PKDREJ: variants seen among roughly 807,000 people sequenced by gnomAD.
The protein encoded by PKDREJ is polycystin family receptor for egg jelly, also known as PKD and REJ homolog.
For missense variants in PKDREJ, 2,507 were observed against 2,807.2 expected (o/e 0.89, Z 2.42); for synonymous variants, 1,031 against 1,095.5 (o/e 0.94, Z 1.16).
Position 46,262,727 on chromosome 22 carries a change from G to C in PKDREJ, c.596C>G (p.Ser199Cys). The C allele has an allele frequency of 3.1e-6, 5 of 1,609,620 alleles. No individual in the cohort carries two copies. Among genetic ancestry groups the C allele is most frequent in the Non-Finnish European group, 4.2e-6 (5 of 1,178,540 alleles). The change falls in exon 1 of 1, where the codon TCC becomes TGC. Residue 199 changes from serine (S) to cysteine (C), a missense_variant. Ser to Cys is a moderately radical substitution (Grantham distance 112, BLOSUM62 -1). Coordinates refer to ENST00000253255, the MANE Select transcript of PKDREJ (RefSeq NM_006071.2). The surrounding 1 kb of genome is among the most constrained non-coding windows in gnomAD (Gnocchi z 8.1). ...GGACGACTCGACGGCTCTGTGGCTGGACGAGTTGACGGCCTGCAACATCAC... is the reference window on the plus strand; with the variant it reads ...GGACGACTCGACGGCTCTGTGGCTGCACGAGTTGACGGCCTGCAACATCAC... ...ARVMLQAVNS[S>C]SHRAVESSVS...
chr22:46,256,572 G>C lies in PKDREJ; in HGVS notation c.6751C>G (p.Leu2251Val). Reference protein sequence around the residue: ...RNINGKKMVYLVV With the variant: ...RNINGKKMVYVVV ...GAAACCATCATTCATCAAACAACAA[G>C]GTAAACCATTTTCTTCCCGTTGATG... Residue 2251 changes from leucine to valine, a missense_variant, in exon 1 of 1, where the codon CTT becomes GTT. Transcript: ENST00000253255. The surrounding 1 kb of genome is among the most constrained non-coding windows in gnomAD (Gnocchi z 5.3). The C allele has an allele frequency of 6.2e-7, 1 of 1,612,444 alleles. No individual in the cohort carries two copies. The highest frequency in any genetic ancestry group is 8.5e-7 in the Non-Finnish European group (1 of 1,179,430).
At position 46,262,412 on chromosome 22, in the gene PKDREJ, A is replaced by G; in HGVS notation, c.911T>C (p.Val304Ala). 6.2e-7 allele frequency: 1 copy of G among 1,613,454 alleles called. No homozygotes were observed. Among genetic ancestry groups the G allele is most frequent in the East Asian group, 2.2e-5 (1 of 44,882 alleles). Reference protein sequence around the residue: ...PNNSLQWGVYVFNFTVSITTG... With the variant: ...PNNSLQWGVYAFNFTVSITTG... ...GGTGATGGACACCGTGAAATTAAACACATACACTCCCCACTGTAACGAATT... is the reference window on the plus strand; with the variant it reads ...GGTGATGGACACCGTGAAATTAAACGCATACACTCCCCACTGTAACGAATT... Residue 304 changes from valine to alanine, a missense_variant, in exon 1 of 1, where the codon GTG (valine) becomes GCG (alanine). Val to Ala is a moderately conservative substitution (Grantham distance 64). Coordinates refer to ENST00000253255, the MANE Select transcript of PKDREJ (RefSeq NM_006071.2). This position sits in a 1 kb window ranked among gnomAD's most constrained non-coding sequence, Gnocchi z 8.1.
In PKDREJ at chr22:46,258,572, A is replaced by T. The variant is rs1290558250; in HGVS notation, c.4751T>A (p.Val1584Asp). The T allele has an allele frequency of 6.2e-7, 1 of 1,614,238 alleles. No homozygotes were observed. The highest frequency in any genetic ancestry group is 1.1e-5 in the South Asian group (1 of 91,084). ...TGAGGATATGCTAGAAGTAGCAAAAACCAAAAACCATGCAACATAAACACA... is the reference window on the plus strand; with the variant it reads ...TGAGGATATGCTAGAAGTAGCAAAATCCAAAAACCATGCAACATAAACACA... ...WWCVYVAWFL[V>D]FATSSISSFF... The change falls in exon 1 of 1, where the codon GTT (valine) becomes GAT (aspartate). Residue 1584 changes from valine to aspartate, a missense_variant. Coordinates refer to ENST00000253255, the MANE Select transcript of PKDREJ (RefSeq NM_006071.2). The surrounding 1 kb of genome is among the most constrained non-coding windows in gnomAD (Gnocchi z 6.1).
Position 46,262,399 on chromosome 22 carries a change from C to A in PKDREJ, c.924G>T (p.Thr308=), listed in dbSNP as rs199563012. The stretch of plus-strand genomic sequence containing the variant: ...TGGGGTTCCCTGTGGTGATGGACAC[C>A]GTGAAATTAAACACATACACTCCCC... The part of the protein sequence containing the change: ...LQWGVYVFNF[T]VSITTGNPKM... The change falls in exon 1 of 1, where the codon ACG becomes ACT. Residue 308 remains threonine (T), a synonymous_variant. Coordinates refer to ENST00000253255, the MANE Select transcript of PKDREJ (RefSeq NM_006071.2). The surrounding 1 kb of genome is among the most constrained non-coding windows in gnomAD (Gnocchi z 8.1). 1.9e-6 allele frequency: 3 copies of A among 1,613,758 alleles called. No homozygotes were observed. The highest frequency in any genetic ancestry group is 2.5e-6 in the Non-Finnish European group (3 of 1,179,906).
chr22:46,257,380 A>T lies in PKDREJ; in HGVS notation c.5943T>A (p.Asp1981Glu), dbSNP rs111820756. Reference sequence around the variant, plus strand: ...TTTCTTGCATAATGATACAACCCTCATCAACAACGTAGGCTAAGAAAAAAA... The same window carrying T: ...TTTCTTGCATAATGATACAACCCTCTTCAACAACGTAGGCTAAGAAAAAAA... The part of the protein sequence containing the change: ...ILIFFLAYVV[D>E]EGCIIMQERA... The change falls in exon 1 of 1, where the codon GAT becomes GAA. Residue 1981 changes from aspartate to glutamate, a missense_variant. Asp to Glu is a conservative substitution (Grantham distance 45). Transcript: ENST00000253255. This position sits in a 1 kb window ranked among gnomAD's most constrained non-coding sequence, Gnocchi z 4.7. 4 of 1,614,088 alleles carry T rather than the reference A, an allele frequency of 2.5e-6. No homozygotes were observed. The highest frequency in any genetic ancestry group is 2.7e-5 in the African/African-American group (2 of 75,064).
rs1343298887 is a variant in PKDREJ, at chr22:46,258,650, T to C, written c.4673A>G (p.Gln1558Arg). ...QDVHSEQHPS[Q>R]KDLQQLKKKP... The stretch of plus-strand genomic sequence containing the variant: ...TTTCTTAAGCTGCTGGAGATCCTTT[T>C]GGGAAGGGTGCTGTTCGGAATGGAC... Residue 1558 changes from glutamine (Q) to arginine (R), a missense_variant, in exon 1 of 1, where the codon CAA becomes CGA. Gln to Arg is a conservative substitution (Grantham distance 43). Transcript: ENST00000253255. This position sits in a 1 kb window ranked among gnomAD's most constrained non-coding sequence, Gnocchi z 6.1. 6.2e-7 allele frequency: 1 copy of C among 1,614,206 alleles called. No individual in the cohort carries two copies. Among genetic ancestry groups the C allele is most frequent in the Non-Finnish European group, 8.5e-7 (1 of 1,180,040 alleles).
In PKDREJ at chr22:46,262,358, T is replaced by G. The variant is rs1292545907; in HGVS notation, c.965A>C (p.Lys322Thr). 3 of 1,614,040 alleles carry G rather than the reference T, an allele frequency of 1.9e-6. No homozygotes were observed. The African/African-American group carries it at 4.0e-5, about 22-fold the overall frequency. The change falls in exon 1 of 1, where the codon AAA becomes ACA. Residue 322 changes from lysine (K) to threonine (T), a missense_variant. Coordinates refer to ENST00000253255, the MANE Select transcript of PKDREJ (RefSeq NM_006071.2). This position sits in a 1 kb window ranked among gnomAD's most constrained non-coding sequence, Gnocchi z 8.1. Reference protein sequence around the residue: ...TTGNPKMPEVKDSDAVYVWIV... With the variant: ...TTGNPKMPEVTDSDAVYVWIV... ...CCAGACATAGACGGCGTCCGAGTCT[T>G]TCACCTCGGGCATCTTGGGGTTCCC...
chr22:46,258,544 G>C lies in PKDREJ; in HGVS notation c.4779C>G (p.Phe1593Leu). Reference sequence around the variant, plus strand: ...AAGTCAGTCCATAAAATACAATGAAGAATGAGGATATGCTAGAAGTAGCAA... The same window carrying C: ...AAGTCAGTCCATAAAATACAATGAACAATGAGGATATGCTAGAAGTAGCAA... ...LVFATSSISS[F>L]FIVFYGLTYG... The change falls in exon 1 of 1, where the codon TTC (phenylalanine) becomes TTG (leucine). Residue 1593 changes from phenylalanine (F) to leucine (L), a missense_variant. Transcript: ENST00000253255. The surrounding 1 kb of genome is among the most constrained non-coding windows in gnomAD (Gnocchi z 6.1). The C allele has an allele frequency of 1.9e-6, 3 of 1,614,172 alleles. No individual in the cohort carries two copies. The highest frequency in any genetic ancestry group is 2.5e-6 in the Non-Finnish European group (3 of 1,180,030).
chr22:46,261,087 C>T lies in PKDREJ; in HGVS notation c.2236G>A (p.Val746Ile), dbSNP rs1936691222. Residue 746 changes from valine (V) to isoleucine (I), a missense_variant, in exon 1 of 1, where the codon GTA becomes ATA. Coordinates refer to ENST00000253255, the MANE Select transcript of PKDREJ (RefSeq NM_006071.2). The surrounding 1 kb of genome is among the most constrained non-coding windows in gnomAD (Gnocchi z 7.1). ...HLIDQSFLLPVSTLVEIGQVV... is the reference protein window; with the variant it reads ...HLIDQSFLLPISTLVEIGQVV... ...TGGCCAATTTCTACCAAAGTGCTTACAGGAAGAAGGAAAGACTGATCGATG... is the reference window on the plus strand; with the variant it reads ...TGGCCAATTTCTACCAAAGTGCTTATAGGAAGAAGGAAAGACTGATCGATG... The T allele has an allele frequency of 6.2e-7, 1 of 1,613,994 alleles. No homozygotes were observed. The highest frequency in any genetic ancestry group is 2.2e-5 in the East Asian group (1 of 44,894).
At position 46,256,894 on chromosome 22, in the gene PKDREJ, AT is replaced by A; in HGVS notation, c.6428del (p.Asn2143IlefsTer16). 6.2e-7 allele frequency: 1 copy of A among 1,614,054 alleles called. No homozygotes were observed. The highest frequency in any genetic ancestry group is 8.5e-7 in the Non-Finnish European group (1 of 1,180,010). On this transcript the variant is annotated frameshift_variant, in exon 1 of 1. Transcript: ENST00000253255. LOFTEE classifies it low-confidence loss of function (END_TRUNC). The surrounding 1 kb of genome is among the most constrained non-coding windows in gnomAD (Gnocchi z 5.3). ...GGAACAGGACCCCCAGAATCCTGTT[AT>A]TGGAAAATTCAGTGTTCTGGAAAGC... The part of the protein sequence containing the change: ...VSAFQNTEFS[N>X]NRILGVLFLS...
In PKDREJ at chr22:46,256,343, G is replaced by T; in HGVS notation, c.*218C>A. On this transcript the variant is annotated 3_prime_UTR_variant, in exon 1 of 1. Coordinates refer to ENST00000253255, the MANE Select transcript of PKDREJ (RefSeq NM_006071.2). The surrounding 1 kb of genome is among the most constrained non-coding windows in gnomAD (Gnocchi z 5.3). ...AATCAGTCCAGGAATCCCACACTGTGATCCTGCTGTCTCCCCAGATGCTAC... is the reference window on the plus strand; with the variant it reads ...AATCAGTCCAGGAATCCCACACTGTTATCCTGCTGTCTCCCCAGATGCTAC... 1.5e-6 allele frequency: 1 copy of T among 679,610 alleles called. No homozygotes were observed. The highest frequency in any genetic ancestry group is 2.4e-6 in the Non-Finnish European group (1 of 425,420). The allele number at this position is 679,610 out of a possible 1,614,324, so 42.1% of individuals were successfully genotyped here.
In PKDREJ at chr22:46,259,925, ATGCAG is replaced by A; in HGVS notation, c.3393_3397del (p.Cys1132LeufsTer8). The A allele has an allele frequency of 6.2e-7, 1 of 1,613,998 alleles. No individual in the cohort carries two copies. Among genetic ancestry groups the A allele is most frequent in the Non-Finnish European group, 8.5e-7 (1 of 1,180,024 alleles). On this transcript the variant is annotated frameshift_variant, in exon 1 of 1. Coordinates refer to ENST00000253255, the MANE Select transcript of PKDREJ (RefSeq NM_006071.2). LOFTEE classifies it low-confidence loss of function (END_TRUNC). This position sits in a 1 kb window ranked among gnomAD's most constrained non-coding sequence, Gnocchi z 6.8. Reference sequence around the variant, plus strand: ...CCTAGCCCTTACTACATTCTTGCAGATGCAGTGCACCTCATACCAGCTGGTCTTCT... The same window carrying A: ...CCTAGCCCTTACTACATTCTTGCAGATGCACCTCATACCAGCTGGTCTTCT...
Position 46,259,484 on chromosome 22 carries a change from T to C in PKDREJ, c.3839A>G (p.Asn1280Ser). Reference protein sequence around the residue: ...HFTTLYRGSINTFLLTTKSDL... With the variant: ...HFTTLYRGSISTFLLTTKSDL... ...ACTTTTTGTCGTTAGGAGGAAAGTG[T>C]TGATGCTACCTCGGTAGAGAGTTGT... The change falls in exon 1 of 1, where the codon AAC (asparagine) becomes AGC (serine). Residue 1280 changes from asparagine to serine, a missense_variant. Physicochemically the swap from Asn to Ser is conservative, Grantham distance 46. Coordinates refer to ENST00000253255, the MANE Select transcript of PKDREJ (RefSeq NM_006071.2). The surrounding 1 kb of genome is among the most constrained non-coding windows in gnomAD (Gnocchi z 6.8). The C allele has an allele frequency of 4.3e-6, 7 of 1,614,182 alleles. No homozygotes were observed. The highest frequency in any genetic ancestry group is 5.9e-6 in the Non-Finnish European group (7 of 1,180,032).
In PKDREJ at chr22:46,263,119, G is replaced by GCCGC. The variant is rs1936719289; in HGVS notation, c.200_203dup (p.Ala69ArgfsTer229). On this transcript the variant is annotated frameshift_variant, in exon 1 of 1. Coordinates refer to ENST00000253255, the MANE Select transcript of PKDREJ (RefSeq NM_006071.2). LOFTEE classifies it low-confidence loss of function (END_TRUNC). The surrounding 1 kb of genome is among the most constrained non-coding windows in gnomAD (Gnocchi z 9.4). Reference sequence around the variant, plus strand: ...GGCTGCCGCGGCCGCTCAGGACAGCGCCGCCCGCCCGCACCGCGCTGGGCC... The same window carrying GCCGC: ...GGCTGCCGCGGCCGCTCAGGACAGCGCCGCCCGCCCGCCCGCACCGCGCTGGGCC... 1 of 1,241,806 alleles carries GCCGC rather than the reference G, an allele frequency of 8.1e-7. No homozygotes were observed. The highest frequency in any genetic ancestry group is 1.6e-5 in the African/African-American group (1 of 62,056). The allele number at this position is 1,241,806 out of a possible 1,614,324, so 76.9% of individuals were successfully genotyped here.
chr22:46,260,517 C>G lies in PKDREJ; in HGVS notation c.2806G>C (p.Val936Leu). 6.2e-7 allele frequency: 1 copy of G among 1,614,178 alleles called. No homozygotes were observed. Among genetic ancestry groups the G allele is most frequent in the Non-Finnish European group, 8.5e-7 (1 of 1,180,004 alleles). The change falls in exon 1 of 1, where the codon GTT (valine) becomes CTT (leucine). Residue 936 changes from valine to leucine, a missense_variant. By Grantham distance (32) the Val-to-Leu change is conservative. Coordinates refer to ENST00000253255, the MANE Select transcript of PKDREJ (RefSeq NM_006071.2). The surrounding 1 kb of genome is among the most constrained non-coding windows in gnomAD (Gnocchi z 4.5). ...TCTAGCACACTACCGTTATCTGCAACTCCTGTCATTCTGAATCCAGACACC... is the reference window on the plus strand; with the variant it reads ...TCTAGCACACTACCGTTATCTGCAAGTCCTGTCATTCTGAATCCAGACACC... ...VEVSGFRMTG[V>L]ADNGSVLEIT...
Position 46,257,708 on chromosome 22 carries a change from A to T in PKDREJ, c.5615T>A (p.Leu1872Gln), listed in dbSNP as rs1329073005. Residue 1872 changes from leucine to glutamine, a missense_variant, in exon 1 of 1, where the codon CTA becomes CAA. Leu to Gln is a moderately radical substitution (Grantham distance 113). Coordinates refer to ENST00000253255, the MANE Select transcript of PKDREJ (RefSeq NM_006071.2). This position sits in a 1 kb window ranked among gnomAD's most constrained non-coding sequence, Gnocchi z 4.7. ...TCCTCCAGATCCATAGGTGTGTAGT[A>T]GTCCATAGGAATAATATAGCCATTG... ...GTQWLYYSYGLLHTYGSGGYA... is the reference protein window; with the variant it reads ...GTQWLYYSYGQLHTYGSGGYA... 1 of 1,614,224 alleles carries T rather than the reference A, an allele frequency of 6.2e-7. No individual in the cohort carries two copies.
At position 46,262,082 on chromosome 22, in the gene PKDREJ, G is replaced by A; in HGVS notation, c.1241C>T (p.Pro414Leu). Residue 414 changes from proline to leucine, a missense_variant, in exon 1 of 1, where the codon CCT (proline) becomes CTT (leucine). Coordinates refer to ENST00000253255, the MANE Select transcript of PKDREJ (RefSeq NM_006071.2). The surrounding 1 kb of genome is among the most constrained non-coding windows in gnomAD (Gnocchi z 8.1). ...ANLKWPWASG[P>L]VLTLLPETLK... ...TGTTTCTGGCAAAAGTGTCAGTACAGGGCCCGAGGCCCAGGGCCATTTCAG... is the reference window on the plus strand; with the variant it reads ...TGTTTCTGGCAAAAGTGTCAGTACAAGGCCCGAGGCCCAGGGCCATTTCAG... 6.2e-7 allele frequency: 1 copy of A among 1,614,114 alleles called. No homozygotes were observed. Among genetic ancestry groups the A allele is most frequent in the Non-Finnish European group, 8.5e-7 (1 of 1,179,990 alleles).
At position 46,261,940 on chromosome 22, in the gene PKDREJ, T is replaced by C; in HGVS notation, c.1383A>G (p.Thr461=). The part of the protein sequence containing the change: ...LQGPKAIAHI[T]CIENCERNFI... ...AGTTTCTCTCACAATTTTCGATACA[T>C]GTGATGTGTGCTATGGCTTTTGGTC... The change falls in exon 1 of 1, where the codon ACA becomes ACG. Residue 461 remains threonine (T), a synonymous_variant. Coordinates refer to ENST00000253255, the MANE Select transcript of PKDREJ (RefSeq NM_006071.2). The surrounding 1 kb of genome is among the most constrained non-coding windows in gnomAD (Gnocchi z 7.1). The C allele has an allele frequency of 6.2e-7, 1 of 1,614,132 alleles. No individual in the cohort carries two copies. Among genetic ancestry groups the C allele is most frequent in the Non-Finnish European group, 8.5e-7 (1 of 1,180,014 alleles).
chr22:46,259,599 A>G lies in PKDREJ; in HGVS notation c.3724T>C (p.Trp1242Arg), dbSNP rs767602226. Residue 1242 changes from tryptophan to arginine, a missense_variant, in exon 1 of 1, where the codon TGG becomes CGG. Physicochemically the swap from Trp to Arg is moderately radical, Grantham distance 101 (BLOSUM62 -3). Coordinates refer to ENST00000253255, the MANE Select transcript of PKDREJ (RefSeq NM_006071.2). The surrounding 1 kb of genome is among the most constrained non-coding windows in gnomAD (Gnocchi z 6.8). ...YLVTIFTGSR[W>R]GSGTRANVFV... ...ACATTGGCCCTGGTCCCAGACCCCCAACGACTTCCTGTAAAAATAGTCACC... is the reference window on the plus strand; with the variant it reads ...ACATTGGCCCTGGTCCCAGACCCCCGACGACTTCCTGTAAAAATAGTCACC... 1 of 1,614,180 alleles carries G rather than the reference A, an allele frequency of 6.2e-7. No homozygotes were observed. Among genetic ancestry groups the G allele is most frequent in the South Asian group, 1.1e-5 (1 of 91,080 alleles).
Sources: gnomAD v4.1 joint callset for allele counts on GRCh38, gnomAD v4.1.1 for gene constraint, Gnocchi (gnomAD v3.1) non-coding constraint, MANE v1.5 for transcripts, NCBI Gene and HGNC (gene_info 2026-07-23, HGNC 2026-07-21) for gene names.